SLCO5A1: variants seen among roughly 807,000 people sequenced by gnomAD.
SLCO5A1 encodes the protein organic anion transporter polypeptide-related protein 4.
In SLCO5A1, 39 loss-of-function variants were observed where a neutral mutation model predicts 65.1. That is an observed-to-expected ratio of 0.60 (90% CI 0.46 to 0.78). The LOEUF (loss-of-function observed/expected upper bound fraction) is 0.78, where lower values mean the gene tolerates loss of function less well. SLCO5A1 is among the 30% of genes least tolerant of loss of function. The probability of loss-of-function intolerance (pLI) is 0.00; values close to 1 mark genes in which losing one functional copy is unlikely to be tolerated. For synonymous variants in SLCO5A1, 438 were observed against 415.7 expected, an observed-to-expected ratio of 1.05 and a Z score of -0.65; for missense variants, 1,029 against 1,069.4, an observed-to-expected ratio of 0.96 and a Z score of 0.53.
chr8:69,692,131 C>T (rs1814289310), intron 6 of SLCO5A1, among the ~76,000 whole-genome samples: 1 of 152,142 alleles, frequency 6.6e-6, no homozygotes, highest in African/African-American at 2.4e-5. Context: ...CGCCTGTAAT[C>T]TAAGCTACTT....
intron 5 of SLCO5A1, among the ~76,000 whole-genome samples, chr8:69,709,156 G>A (rs1029739216): frequency 1.3e-5 from 2 of 152,166 alleles, no homozygotes; most frequent in African/African-American, 2.4e-5. Flanking sequence ...GCATATAAAA[G>A]GAAGAAGGGA....
chr8:69,730,279 G>A (rs1246876527), intron 5 of SLCO5A1, among the ~76,000 whole-genome samples: 1 of 152,180 alleles, frequency 6.6e-6, no homozygotes, highest in Non-Finnish European at 1.5e-5. Context: ...AGTTTGTGGG[G>A]ATGCAACATT....
chr8:69,727,018 T>A (rs2933027), intron 5 of SLCO5A1, among the ~76,000 whole-genome samples: 87,373 of 151,990 alleles, frequency 0.57, 25,602 homozygotes, highest in South Asian at 0.7. Context: ...CACAACATAC[T>A]TTATCTCATT....
At chr8:69,822,217 A>G (rs2130921184) in intron 2 of SLCO5A1, among the ~76,000 whole-genome samples, 1 of 152,344 alleles carries the variant, frequency 6.6e-6, no homozygotes, top group African/African-American at 2.4e-5. Flanking sequence ...TGTTCACCAT[A>G]CATTCCGCCA....
intron 2 of SLCO5A1, 50 bp from the exon 3 acceptor site, chr8:69,761,925 G>A: frequency 5.6e-6 from 9 of 1,596,678 alleles, no homozygotes; most frequent in Non-Finnish European, 7.7e-6. Context: ...TTTATTACAT[G>A]TTAGGAGTTC....
chr8:69,727,545 A>G (rs1211888559), intron 5 of SLCO5A1, among the ~76,000 whole-genome samples: 1 of 152,142 alleles, frequency 6.6e-6, no homozygotes, highest in Non-Finnish European at 1.5e-5. Context: ...TTCACTGGAG[A>G]GAGGACTCCC....
intron 2 of SLCO5A1, among the ~76,000 whole-genome samples, chr8:69,787,949 AC>A: frequency 6.6e-6 from 1 of 152,158 alleles, no homozygotes; most frequent in Non-Finnish European, 1.5e-5. Flanking sequence ...AATGTTTTAA[AC>A]CCCTCTCCCA....
At chr8:69,786,463 A>C (rs939074992) in intron 2 of SLCO5A1, among the ~76,000 whole-genome samples, 1 of 152,212 alleles carries the variant, frequency 6.6e-6, no homozygotes, top group Non-Finnish European at 1.5e-5. Flanking sequence ...TGCTGTCCCT[A>C]GCAGGCTTCA....
At chr8:69,804,889 T>A (rs1819924195) in intron 2 of SLCO5A1, among the ~76,000 whole-genome samples, 2 of 152,138 alleles carry the variant, frequency 1.3e-5, no homozygotes, top group African/African-American at 4.8e-5. Flanking sequence ...CAGGCCGGGC[T>A]CCTGCCAGAG....
intron 2 of SLCO5A1, among the ~76,000 whole-genome samples, chr8:69,775,356 G>C (rs1818513897): frequency 6.6e-6 from 1 of 152,158 alleles, no homozygotes; most frequent in South Asian, 2.1e-4. Context: ...GGCATGGAAG[G>C]GGAATGGGTT....
chr8:69,776,196 G>T (rs1818543915), intron 2 of SLCO5A1, among the ~76,000 whole-genome samples: 1 of 151,844 alleles, frequency 6.6e-6, no homozygotes, highest in Non-Finnish European at 1.5e-5. Context: ...TATATATCAT[G>T]GTAACATTTA....
intron 4 of SLCO5A1, among the ~76,000 whole-genome samples, chr8:69,753,077 C>G (rs1328968414): frequency 6.6e-6 from 1 of 152,126 alleles, no homozygotes; most frequent in African/African-American, 2.4e-5. Flanking sequence ...CTCAATGGCC[C>G]TGATCGCTTT....
chr8:69,696,290 C>T (rs1302286815), intron 6 of SLCO5A1, among the ~76,000 whole-genome samples: 2 of 152,150 alleles, frequency 1.3e-5, no homozygotes, highest in East Asian at 3.9e-4. Flanking sequence ...CCAAACTCCA[C>T]AAAAATGGCA....
intron 2 of SLCO5A1, among the ~76,000 whole-genome samples, chr8:69,780,334 C>A (rs1387360952): frequency 3.3e-5 from 5 of 152,100 alleles, no homozygotes; most frequent in Admixed American, 3.3e-4. Flanking sequence ...ATCAGTATAT[C>A]GAAGGGATAT....
At chr8:69,806,724 C>T (rs1424617932) in intron 2 of SLCO5A1, among the ~76,000 whole-genome samples, 1 of 152,208 alleles carries the variant, frequency 6.6e-6, no homozygotes, top group African/African-American at 2.4e-5. Context: ...ATCAAACTCA[C>T]TGAAGAGCTG....
intron 6 of SLCO5A1, among the ~76,000 whole-genome samples, chr8:69,689,625 G>A (rs1465090739): frequency 7.3e-6 from 1 of 137,340 alleles, no homozygotes; most frequent in Non-Finnish European, 1.5e-5. Context: ...TTTTTGTCAG[G>A]TTTGTCAAAG....
At chr8:69,725,225 C>A (rs548358390) in intron 5 of SLCO5A1, among the ~76,000 whole-genome samples, 8 of 152,182 alleles carry the variant, frequency 5.3e-5, no homozygotes, top group African/African-American at 1.9e-4. Context: ...ACTTCCGATG[C>A]CAAAACCCAC....
At chr8:69,812,638 A>T (rs1475770209) in intron 2 of SLCO5A1, among the ~76,000 whole-genome samples, 2 of 152,246 alleles carry the variant, frequency 1.3e-5, no homozygotes, top group Non-Finnish European at 2.9e-5. Flanking sequence ...TGTACAGAGG[A>T]GAACTTTGCA....
intron 7 of SLCO5A1, among the ~76,000 whole-genome samples, chr8:69,680,237 C>A (rs1813710209): frequency 6.6e-6 from 1 of 152,112 alleles, no homozygotes; most frequent in East Asian, 1.9e-4. Context: ...TCCCATCACC[C>A]AAATCATGAG....
Sources: gnomAD v4.1 joint callset for allele counts (sites outside exome capture counted in the v4.1 genomes callset) on GRCh38, gnomAD v4.1.1 for gene constraint, MANE v1.5 for transcripts, NCBI Gene and HGNC (gene_info 2026-07-23, HGNC 2026-07-21) for gene names.